NSMCE2: variants seen among roughly 807,000 people sequenced by gnomAD.
The protein encoded by NSMCE2 is E3 SUMO-protein ligase NSE2.
In NSMCE2, 24 loss-of-function variants were observed where a neutral mutation model predicts 23.8. The ratio of observed to expected loss-of-function variants is 1.01; its 90% CI spans 0.73 to 1.42. The LOEUF (loss-of-function observed/expected upper bound fraction) is 1.42. Among genes scored for constraint, NSMCE2 ranks in the 40% most tolerant of loss-of-function variants. The pLI is 0.00. For missense variants in NSMCE2, 284 were observed against 296.5 expected (o/e 0.96, Z 0.31); for synonymous variants, 92 against 94.1 (o/e 0.98, Z 0.13).
At chr8:125,108,144 A>G (rs1326854267) in intron 3 of NSMCE2, among the ~76,000 whole-genome samples, 1 of 152,202 alleles carries the variant, frequency 6.6e-6, no homozygotes, top group Non-Finnish European at 1.5e-5. Context: ...ACCCCCTGAA[A>G]TGGCTCAGAA....
chr8:125,333,583 C>T (rs1829963181), intron 5 of NSMCE2, among the ~76,000 whole-genome samples: 1 of 123,174 alleles, frequency 8.1e-6, no homozygotes, highest in Non-Finnish European at 1.6e-5. Flanking sequence ...GGCGCGATCT[C>T]GGCTCACTGC....
intron 5 of NSMCE2, among the ~76,000 whole-genome samples, chr8:125,298,327 C>T (rs937437489): frequency 3.3e-5 from 5 of 152,202 alleles, no homozygotes; most frequent in Admixed American, 6.5e-5. Flanking sequence ...TTTAAGTTAA[C>T]TCATTGATCC....
intron 5 of NSMCE2, among the ~76,000 whole-genome samples, chr8:125,327,758 A>G (rs1207069193): frequency 6.6e-6 from 1 of 152,096 alleles, no homozygotes; most frequent in African/African-American, 2.4e-5. Flanking sequence ...CCAATATAGT[A>G]TAAGTAACCA....
intron 5 of NSMCE2, among the ~76,000 whole-genome samples, chr8:125,195,520 C>G (rs562523458): frequency 3.3e-5 from 5 of 152,188 alleles, no homozygotes; most frequent in African/African-American, 1.2e-4. Context: ...ACTTGGTGTC[C>G]TGGTTTTAAA....
chr8:125,178,053 C>T (rs576894164), intron 4 of NSMCE2, among the ~76,000 whole-genome samples: 100 of 152,312 alleles, frequency 6.6e-4, no homozygotes, highest in South Asian at 3.1e-3. Context: ...ATCCCAGTTG[C>T]CAGCCCCTCT....
intron 5 of NSMCE2, among the ~76,000 whole-genome samples, chr8:125,213,342 G>A (rs886612672): frequency 1.3e-5 from 2 of 152,108 alleles, no homozygotes; most frequent in African/African-American, 4.8e-5. Context: ...TTGGCCAAAG[G>A]TTTAGCTGTT....
At chr8:125,148,266 C>G (rs1210644243) in intron 3 of NSMCE2, among the ~76,000 whole-genome samples, 1 of 152,190 alleles carries the variant, frequency 6.6e-6, no homozygotes, top group African/African-American at 2.4e-5. Context: ...TGACCCAAGC[C>G]TTGCCCATTT....
chr8:125,166,330 G>A (rs753423529), intron 4 of NSMCE2, among the ~76,000 whole-genome samples: 13 of 152,214 alleles, frequency 8.5e-5, no homozygotes, highest in African/African-American at 1.9e-4. Context: ...GCAGTGGCGC[G>A]ATCTCAGCTT....
At chr8:125,114,325 G>A (rs903230344) in intron 3 of NSMCE2, among the ~76,000 whole-genome samples, 1 of 151,976 alleles carries the variant, frequency 6.6e-6, no homozygotes, top group Non-Finnish European at 1.5e-5. Flanking sequence ...ACCCTTACCC[G>A]CTGCTATTGC....
At chr8:125,160,262 C>G (rs1249227627) in intron 4 of NSMCE2, among the ~76,000 whole-genome samples, 1 of 152,178 alleles carries the variant, frequency 6.6e-6, no homozygotes, top group African/African-American at 2.4e-5. Flanking sequence ...TAAAACAGTT[C>G]TGTCACACTA....
At chr8:125,174,711 G>A (rs921647298) in intron 4 of NSMCE2, among the ~76,000 whole-genome samples, 6 of 152,326 alleles carry the variant, frequency 3.9e-5, no homozygotes, top group African/African-American at 1.4e-4. Context: ...GAGGAAAGGT[G>A]TTTCCATGTT....
intron 5 of NSMCE2, among the ~76,000 whole-genome samples, chr8:125,349,757 A>G (rs1411010499): frequency 1.3e-5 from 2 of 152,264 alleles, no homozygotes; most frequent in Admixed American, 1.3e-4. Context: ...GCCAGTACCA[A>G]ATGTATTTTA....
intron 5 of NSMCE2, among the ~76,000 whole-genome samples, chr8:125,335,576 C>T (rs1356809662): frequency 6.6e-6 from 1 of 152,096 alleles, no homozygotes; most frequent in East Asian, 1.9e-4. Context: ...TGTCTATAAA[C>T]AAACAAAGGA....
intron 5 of NSMCE2, among the ~76,000 whole-genome samples, chr8:125,269,672 G>C (rs1399795804): frequency 6.6e-6 from 1 of 152,202 alleles, no homozygotes; most frequent in Non-Finnish European, 1.5e-5. Context: ...CTTGGCAATA[G>C]TTCATGGAAT....
At chr8:125,165,640 C>T (rs1399538402) in intron 4 of NSMCE2, among the ~76,000 whole-genome samples, 1 of 152,180 alleles carries the variant, frequency 6.6e-6, no homozygotes, top group African/African-American at 2.4e-5. Flanking sequence ...TTTAATCTCT[C>T]TAATCACTGA....
chr8:125,252,011 C>T (rs971937745), intron 5 of NSMCE2, among the ~76,000 whole-genome samples: 1 of 152,166 alleles, frequency 6.6e-6, no homozygotes, highest in Non-Finnish European at 1.5e-5. Context: ...GAAATATGGT[C>T]TGGAGTCTGA....
At chr8:125,241,077 G>A (rs753016267) in intron 5 of NSMCE2, among the ~76,000 whole-genome samples, 18 of 152,082 alleles carry the variant, frequency 1.2e-4, no homozygotes, top group Non-Finnish European at 2.4e-4. Flanking sequence ...TATTCTTACG[G>A]GTTGAATATC....
At chr8:125,254,519 T>C (rs1007999577) in intron 5 of NSMCE2, among the ~76,000 whole-genome samples, 1 of 152,192 alleles carries the variant, frequency 6.6e-6, no homozygotes, top group Non-Finnish European at 1.5e-5. Flanking sequence ...TACTTCACCA[T>C]ATATAGCAAA....
intron 5 of NSMCE2, among the ~76,000 whole-genome samples, chr8:125,187,640 A>G (rs1018238983): frequency 6.6e-6 from 1 of 152,166 alleles, no homozygotes; most frequent in African/African-American, 2.4e-5. Flanking sequence ...TTACGTGACT[A>G]TCAGGCCCTG....
Sources: gnomAD v4.1 joint callset for allele counts (sites outside exome capture counted in the v4.1 genomes callset) on GRCh38, gnomAD v4.1.1 for gene constraint, MANE v1.5 for transcripts, NCBI Gene and HGNC (gene_info 2026-07-23, HGNC 2026-07-21) for gene names.